The following NCEH1 variants were observed in gnomAD, a reference collection of about 807,000 sequenced individuals.
NCEH1 encodes neutral cholesterol ester hydrolase 1, also known as 2-acetyl MAGE hydrolase.
Under a neutral mutation model 25.4 loss-of-function variants are expected in NCEH1, and 9 were observed. That is an observed-to-expected ratio of 0.35 (90% CI 0.21 to 0.62). The LOEUF (loss-of-function observed/expected upper bound fraction) is 0.62. NCEH1 is among the 20% of genes least tolerant of loss of function. The pLI, the probability that NCEH1 is intolerant of heterozygous loss-of-function variation, is 0.72. For missense variants in NCEH1, 412 were observed against 501.1 expected (o/e 0.82, Z 1.70); for synonymous variants, 200 against 199.8 (o/e 1.00, Z -0.01).
chr3:172,662,556 G>A (rs576851723), intron 1 of NCEH1, among the ~76,000 whole-genome samples: 6 of 152,278 alleles, frequency 3.9e-5, no homozygotes, highest in South Asian at 2.1e-4. Flanking sequence ...GCTCCTCTTT[G>A]TACCTCTGGT....
At chr3:172,634,309 T>C (rs959935960) in intron 4 of NCEH1, among the ~76,000 whole-genome samples, 1 of 152,192 alleles carries the variant, frequency 6.6e-6, no homozygotes, top group Non-Finnish European at 1.5e-5. Flanking sequence ...CTAAGAAAGG[T>C]ATGATGTTTA....
chr3:172,673,105 T>C (rs1461373058), intron 1 of NCEH1, among the ~76,000 whole-genome samples: 1 of 152,220 alleles, frequency 6.6e-6, no homozygotes, highest in Non-Finnish European at 1.5e-5. Context: ...TTCTCCTCTC[T>C]AAGCCAGGCC....
chr3:172,695,520 T>G (rs1298963848), intron 1 of NCEH1, among the ~76,000 whole-genome samples: 1 of 152,236 alleles, frequency 6.6e-6, no homozygotes, highest in Non-Finnish European at 1.5e-5. Flanking sequence ...TTATGGGGTA[T>G]GTGACTTGGG....
At chr3:172,653,239 G>T (rs1043697899) in intron 1 of NCEH1, among the ~76,000 whole-genome samples, 5 of 152,120 alleles carry the variant, frequency 3.3e-5, no homozygotes, top group Non-Finnish European at 5.9e-5. Flanking sequence ...ACCAGACAAA[G>T]AAATCCGGTG....
intron 3 of NCEH1, among the ~76,000 whole-genome samples, chr3:172,636,875 C>A (rs1034302813): frequency 2.6e-5 from 4 of 152,188 alleles, no homozygotes; most frequent in Admixed American, 1.3e-4. Flanking sequence ...CATTGGCAAT[C>A]TTGGTTTAGA....
intron 1 of NCEH1, among the ~76,000 whole-genome samples, chr3:172,661,778 C>G (rs9836578): frequency 0.14 from 21,294 of 149,660 alleles, 1,680 homozygotes; most frequent in East Asian, 0.2. Flanking sequence ...CTGTTTGTCT[C>G]TTATTGGTGT....
chr3:172,675,242 G>A (rs1046052377), intron 1 of NCEH1, among the ~76,000 whole-genome samples: 1 of 151,984 alleles, frequency 6.6e-6, no homozygotes, highest in Non-Finnish European at 1.5e-5. Context: ...GGTGGAGGCT[G>A]CAGTGAACTG....
At chr3:172,692,708 A>G (rs1713137932) in intron 1 of NCEH1, among the ~76,000 whole-genome samples, 3 of 152,100 alleles carry the variant, frequency 2.0e-5, no homozygotes, top group Non-Finnish European at 4.4e-5. Flanking sequence ...TTCATCAAGT[A>G]ATACTTACTC....
intron 1 of NCEH1, among the ~76,000 whole-genome samples, chr3:172,660,618 C>G (rs1190236954): frequency 6.6e-6 from 1 of 152,200 alleles, no homozygotes; most frequent in African/African-American, 2.4e-5. Context: ...CTTATTTCTC[C>G]ACATCCTCTC....
intron 1 of NCEH1, among the ~76,000 whole-genome samples, chr3:172,684,425 T>C (rs912455823): frequency 2.0e-5 from 3 of 152,128 alleles, no homozygotes; most frequent in East Asian, 1.9e-4. Flanking sequence ...GGCACAAGAC[T>C]GCAAACAAAA....
chr3:172,664,434 T>A (rs547804148), intron 1 of NCEH1, among the ~76,000 whole-genome samples: 1 of 152,280 alleles, frequency 6.6e-6, no homozygotes, highest in South Asian at 2.1e-4. Context: ...GACAATTATG[T>A]GTCTTGGGGT....
intron 1 of NCEH1, among the ~76,000 whole-genome samples, chr3:172,704,421 T>C (rs1193410371): frequency 1.3e-5 from 2 of 152,242 alleles, no homozygotes; most frequent in Admixed American, 1.3e-4. Flanking sequence ...CCGAGCTCTC[T>C]TGGGACACCA....
chr3:172,703,527 CAAA>C (rs11462899), intron 1 of NCEH1, among the ~76,000 whole-genome samples: 1 of 80,604 alleles, frequency 1.2e-5, no homozygotes. Flanking sequence ...GACTCTGTCT[CAAA>C]AAAAAAAAAA....
At chr3:172,699,432 A>C (rs1055019352) in intron 1 of NCEH1, among the ~76,000 whole-genome samples, 1 of 152,176 alleles carries the variant, frequency 6.6e-6, no homozygotes, top group Non-Finnish European at 1.5e-5. Flanking sequence ...TGGAGGATTA[A>C]CAGTCAGATT....
chr3:172,653,836 A>G (rs2108501200), intron 1 of NCEH1, among the ~76,000 whole-genome samples: 1 of 146,630 alleles, frequency 6.8e-6, no homozygotes, highest in African/African-American at 2.6e-5. Flanking sequence ...GGCTCACTGC[A>G]ACCTCCGACT....
intron 1 of NCEH1, among the ~76,000 whole-genome samples, chr3:172,707,000 C>G (rs1714042383): frequency 6.6e-6 from 1 of 152,024 alleles, no homozygotes; most frequent in South Asian, 2.1e-4. Context: ...CTATATCCAT[C>G]ATTACTTACC....
At chr3:172,656,217 C>T (rs1206331884) in intron 1 of NCEH1, among the ~76,000 whole-genome samples, 2 of 152,114 alleles carry the variant, frequency 1.3e-5, no homozygotes, top group Non-Finnish European at 2.9e-5. Context: ...ATAAGGAAGG[C>T]ACTAGAACAG....
intron 1 of NCEH1, among the ~76,000 whole-genome samples, chr3:172,673,421 C>T (rs558919146): frequency 6.6e-6 from 1 of 152,298 alleles, no homozygotes; most frequent in African/African-American, 2.4e-5. Flanking sequence ...CACAAGCGCT[C>T]AATTGGCTGA....
intron 3 of NCEH1, among the ~76,000 whole-genome samples, chr3:172,637,604 A>G (rs1168176726): frequency 6.6e-6 from 1 of 150,476 alleles, no homozygotes; most frequent in Non-Finnish European, 1.5e-5. Flanking sequence ...AATACAAAAA[A>G]AGGGCCAGGT....
Sources: allele counts gnomAD v4.1 joint callset (sites outside exome capture counted in the v4.1 genomes callset), GRCh38; gene constraint gnomAD v4.1.1; transcripts MANE v1.5; gene names NCBI Gene and HGNC (gene_info 2026-07-23, HGNC 2026-07-21).